The following DCUN1D5 variants were observed in gnomAD, a reference collection of about 807,000 sequenced individuals.
The protein encoded by DCUN1D5 is DCN1-like protein 5.
Under a neutral mutation model 38.3 loss-of-function variants are expected in DCUN1D5, and 10 were observed. That is an observed-to-expected ratio of 0.26 (90% confidence interval 0.16 to 0.44). DCUN1D5 has a LOEUF of 0.44. Ranked by LOEUF, DCUN1D5 falls within the 20% of genes least tolerant of loss-of-function variation. The pLI, the probability that DCUN1D5 is intolerant of heterozygous loss-of-function variation, is 1.00. For synonymous variants in DCUN1D5, 93 were observed against 90.9 expected, an observed-to-expected ratio of 1.02 and a Z score of -0.13; for missense variants, 148 against 275.3, an observed-to-expected ratio of 0.54 and a Z score of 3.27.
At position 103,073,536 on chromosome 11, in the gene DCUN1D5, A is replaced by T. The variant is rs1862331648; in HGVS notation, c.342-6969T>A. ...ATTTCAAGTCTTAGTATTTAGCCACAGTAATCCAGACTGTGTGGTACTGGC... is the reference window on the plus strand; with the variant it reads ...ATTTCAAGTCTTAGTATTTAGCCACTGTAATCCAGACTGTGTGGTACTGGC... On this transcript the variant is annotated intron_variant, in intron 4 of 7. Transcript: ENST00000260247. This position sits in a 1 kb window ranked among gnomAD's most constrained non-coding sequence, Gnocchi z 4.2. Among the ~76,000 whole-genome samples the T allele has an allele frequency of 6.6e-6, 1 of 152,258 alleles. No individual in the cohort carries two copies. Among genetic ancestry groups the T allele is most frequent in the African/African-American group, 2.4e-5 (1 of 41,472 alleles).
In DCUN1D5 at chr11:103,091,902, G is replaced by C. The variant is rs538747049; in HGVS notation, c.-30C>G. On this transcript the variant is annotated 5_prime_UTR_variant, in exon 1 of 8. Coordinates refer to ENST00000260247, the MANE Select transcript of DCUN1D5 (RefSeq NM_032299.4). The surrounding 1 kb of genome is among the most constrained non-coding windows in gnomAD (Gnocchi z 4.3). Reference sequence around the variant, plus strand: ...CGCCCTCCCCGGCAGGGTGGGCAGGGGAGCCGGGGAAGGGGGTCCCTGTCC... The same window carrying C: ...CGCCCTCCCCGGCAGGGTGGGCAGGCGAGCCGGGGAAGGGGGTCCCTGTCC... 1 of 1,600,368 alleles carries C rather than the reference G, an allele frequency of 6.2e-7. No homozygotes were observed. Among genetic ancestry groups the C allele is most frequent in the African/African-American group, 1.3e-5 (1 of 74,672 alleles).
rs142749821 is a variant in DCUN1D5 at position 103,077,845 on chromosome 11, T to C, written c.341+4903A>G. The stretch of plus-strand genomic sequence containing the variant: ...ACAATACCATCTACTTCTAGGGGTA[T>C]TTGAAAATGTGCAGAGGGGCATTTT... On this transcript the variant is annotated intron_variant, in intron 4 of 7. Transcript: ENST00000260247. This position sits in a 1 kb window ranked among gnomAD's most constrained non-coding sequence, Gnocchi z 4.3. 3.3e-5 allele frequency among the ~76,000 whole-genome samples: 5 copies of C among 152,274 alleles called. 1 individual carries two copies. The highest frequency in any genetic ancestry group is 1.2e-4 in the African/African-American group (5 of 41,560).
chr11:103,088,923 C>G (rs1862781654), intron 2 of DCUN1D5, among the ~76,000 whole-genome samples: 1 of 152,004 alleles, frequency 6.6e-6, no homozygotes, highest in Non-Finnish European at 1.5e-5. Context: ...TATTGTGTAC[C>G]TTTTATTTTC....
At chr11:103,088,619 C>T (rs947464302) in intron 2 of DCUN1D5, among the ~76,000 whole-genome samples, 4 of 152,178 alleles carry the variant, frequency 2.6e-5, no homozygotes, top group African/African-American at 4.8e-5. Flanking sequence ...GTTATATATC[C>T]CTCCTATGAA....
chr11:103,073,123 T>C lies in DCUN1D5; in HGVS notation c.342-6556A>G, dbSNP rs1052819707. On this transcript the variant is annotated intron_variant, in intron 4 of 7. Coordinates refer to ENST00000260247, the MANE Select transcript of DCUN1D5 (RefSeq NM_032299.4). The surrounding 1 kb of genome is among the most constrained non-coding windows in gnomAD (Gnocchi z 4.2). Reference sequence around the variant, plus strand: ...AACATGTGGACACTAAAATGTAAAATACCATTTACAACAGGTTGAAGTAAA... The same window carrying C: ...AACATGTGGACACTAAAATGTAAAACACCATTTACAACAGGTTGAAGTAAA... Among the ~76,000 whole-genome samples the C allele has an allele frequency of 5.9e-5, 9 of 152,020 alleles. No homozygotes were observed. Among genetic ancestry groups the C allele is most frequent in the Admixed American group, 5.9e-4 (9 of 15,262 alleles).
chr11:103,074,739 A>G (rs1162635822), intron 4 of DCUN1D5, among the ~76,000 whole-genome samples: 1 of 152,114 alleles, frequency 6.6e-6, no homozygotes, highest in Non-Finnish European at 1.5e-5. Context: ...TCAGAAATTT[A>G]ATTATTCGGA....
At chr11:103,075,820 C>T (rs1359213940) in intron 4 of DCUN1D5, among the ~76,000 whole-genome samples, 1 of 152,156 alleles carries the variant, frequency 6.6e-6, no homozygotes, top group Non-Finnish European at 1.5e-5. Flanking sequence ...AATGAATGCA[C>T]AATATGCTTG....
At chr11:103,072,442 C>CTTT (rs1862301715) in intron 4 of DCUN1D5, among the ~76,000 whole-genome samples, 1 of 151,422 alleles carries the variant, frequency 6.6e-6, no homozygotes, top group Non-Finnish European at 1.5e-5. Flanking sequence ...AATCATGCTG[C>CTTT]TATAAAGACA....
At position 103,051,417 on chromosome 11, in the gene DCUN1D5, CACCTGTG is replaced by C; in HGVS notation, c.*10935_*10941del. Reference sequence around the variant, plus strand: ...CAGCATGAAAAGTTCATGACTTATTCACCTGTGACATAACTTTGGAGTCTCATGGGAG... The same window carrying C: ...CAGCATGAAAAGTTCATGACTTATTCACATAACTTTGGAGTCTCATGGGAG... On this transcript the variant is annotated 3_prime_UTR_variant, in exon 8 of 8. Transcript: ENST00000260247. 1 of 151,522 alleles carries C rather than the reference CACCTGTG, an allele frequency of 6.6e-6. No individual in the cohort carries two copies. Among genetic ancestry groups the C allele is most frequent in the East Asian group, 2.0e-4 (1 of 5,110 alleles). The allele number at this position is 151,522 out of a possible 1,614,324, so 9.4% of individuals were successfully genotyped here. A position where few individuals can be genotyped will look rare whatever the true frequency, so the allele number is the denominator to read the frequency against.
chr11:103,053,928 TATTAG>T lies in DCUN1D5; in HGVS notation c.*8426_*8430del, dbSNP rs1206225871. On this transcript the variant is annotated 3_prime_UTR_variant, in exon 8 of 8. Coordinates refer to ENST00000260247, the MANE Select transcript of DCUN1D5 (RefSeq NM_032299.4). The surrounding 1 kb of genome is among the most constrained non-coding windows in gnomAD (Gnocchi z 4.8). ...TTTCATTTCATCCTCAAAATAATGCTATTAGATAAGGACTATTATTATCCTCATGT... is the reference window on the plus strand; with the variant it reads ...TTTCATTTCATCCTCAAAATAATGCTATAAGGACTATTATTATCCTCATGT... The T allele has an allele frequency of 6.6e-6, 1 of 152,098 alleles. No homozygotes were observed. Among genetic ancestry groups the T allele is most frequent in the Non-Finnish European group, 1.5e-5 (1 of 67,974 alleles). The allele number at this position is 152,098 out of a possible 1,614,324, so 9.4% of individuals were successfully genotyped here. A position where few individuals can be genotyped will look rare whatever the true frequency, so the allele number is the denominator to read the frequency against.
At position 103,078,096 on chromosome 11, in the gene DCUN1D5, G is replaced by A. The variant is rs1232293796; in HGVS notation, c.341+4652C>T. 1.3e-5 allele frequency among the ~76,000 whole-genome samples: 2 copies of A among 152,026 alleles called. No individual in the cohort carries two copies. The highest frequency in any genetic ancestry group is 2.4e-5 in the African/African-American group (1 of 41,372). On this transcript the variant is annotated intron_variant, in intron 4 of 7. Coordinates refer to ENST00000260247, the MANE Select transcript of DCUN1D5 (RefSeq NM_032299.4). The surrounding 1 kb of genome is among the most constrained non-coding windows in gnomAD (Gnocchi z 4.6). ...CATTCCTTTTACACTTCAAAGTCCG[G>A]GGCTCAATAGAGACTAGATTTACAA... is the stretch of plus-strand genomic sequence containing the variant.
At position 103,065,623 on chromosome 11, in the gene DCUN1D5, TA is replaced by T. The variant is rs796905027; in HGVS notation, c.555+645del. On this transcript the variant is annotated intron_variant, in intron 6 of 7. Coordinates refer to ENST00000260247, the MANE Select transcript of DCUN1D5 (RefSeq NM_032299.4). The surrounding 1 kb of genome is among the most constrained non-coding windows in gnomAD (Gnocchi z 4.6). Reference sequence around the variant, plus strand: ...AATTACAAAGGCACAAAAACAGATTTAAAAAAAAAAAACTAGACAAAGCAAT... The same window carrying T: ...AATTACAAAGGCACAAAAACAGATTTAAAAAAAAAAACTAGACAAAGCAAT... Among the ~76,000 whole-genome samples, 252 of 144,540 alleles carry T rather than the reference TA, an allele frequency of 1.7e-3. No homozygotes were observed. Among genetic ancestry groups the T allele is most frequent in the Non-Finnish European group, 3.1e-3 (203 of 65,330 alleles). The allele number at this position is 144,540 out of a possible 152,430, so 94.8% of individuals were successfully genotyped here. A position where few individuals can be genotyped will look rare whatever the true frequency, so the allele number is the denominator to read the frequency against.
At chr11:103,072,240 G>A (rs868502381) in intron 4 of DCUN1D5, among the ~76,000 whole-genome samples, 9 of 152,020 alleles carry the variant, frequency 5.9e-5, no homozygotes, top group Middle Eastern at 3.4e-3. Flanking sequence ...AATAGGAGAG[G>A]ATGTGGAGAA....
rs146846392 is a variant in DCUN1D5 at position 103,057,522 on chromosome 11, T to C, written c.*4837A>G. On this transcript the variant is annotated 3_prime_UTR_variant, in exon 8 of 8. Transcript: ENST00000260247. This position sits in a 1 kb window ranked among gnomAD's most constrained non-coding sequence, Gnocchi z 4.8. The stretch of plus-strand genomic sequence containing the variant: ...GAGTTTGAGACCAGCCTGGCCAACA[T>C]GGTGAAATCCCATCTTTACTAAAAC... Among the ~76,000 whole-genome samples the C allele has an allele frequency of 0.013, 1,990 of 151,588 alleles. 17 individuals carry two copies. Among genetic ancestry groups the C allele is most frequent in the Non-Finnish European group, 0.021 (1,417 of 67,896 alleles).
In DCUN1D5 at chr11:103,087,637, G is replaced by A. The variant is rs1862747299; in HGVS notation, c.178+1590C>T. The stretch of plus-strand genomic sequence containing the variant: ...TGCGCTCCAGCGTGGGCGACACAGT[G>A]AGACCCTGTCTCAAAAAATAAAGTC... On this transcript the variant is annotated intron_variant, in intron 2 of 7. Transcript: ENST00000260247. This position sits in a 1 kb window ranked among gnomAD's most constrained non-coding sequence, Gnocchi z 4.1. Among the ~76,000 whole-genome samples the A allele has an allele frequency of 6.6e-6, 1 of 152,176 alleles. No homozygotes were observed. The highest frequency in any genetic ancestry group is 6.5e-5 in the Admixed American group (1 of 15,290).
At chr11:103,085,326 T>A (rs1451779207) in intron 2 of DCUN1D5, among the ~76,000 whole-genome samples, 2 of 152,162 alleles carry the variant, frequency 1.3e-5, no homozygotes, top group East Asian at 3.9e-4. Flanking sequence ...TAATCCCAGC[T>A]ACGCAGGAGG....
At chr11:103,079,625 C>CA (rs560293422) in intron 4 of DCUN1D5, among the ~76,000 whole-genome samples, 2,610 of 143,842 alleles carry the variant, frequency 0.018, 69 homozygotes, top group African/African-American at 0.061. Context: ...CCCTGTCTCT[C>CA]AAAAAAAAAA....
At chr11:103,085,935 T>G (rs1198140289) in intron 2 of DCUN1D5, among the ~76,000 whole-genome samples, 2 of 152,224 alleles carry the variant, frequency 1.3e-5, no homozygotes, top group African/African-American at 4.8e-5. Context: ...CTTTCCATGT[T>G]TTCAATTACC....
rs1399615209 is a variant in DCUN1D5, at chr11:103,063,636, G to A, written c.658+639C>T. ...AAAACACATGCAACCAACCAAAATG[G>A]TGGTTGGAACTGAAAAAAATTTATA... On this transcript the variant is annotated intron_variant, in intron 7 of 7. Coordinates refer to ENST00000260247, the MANE Select transcript of DCUN1D5 (RefSeq NM_032299.4). The surrounding 1 kb of genome is among the most constrained non-coding windows in gnomAD (Gnocchi z 4.6). 6.6e-6 allele frequency among the ~76,000 whole-genome samples: 1 copy of A among 152,034 alleles called. No homozygotes were observed. Among genetic ancestry groups the A allele is most frequent in the Non-Finnish European group, 1.5e-5 (1 of 67,962 alleles).
Sources: allele counts gnomAD v4.1 joint callset (sites outside exome capture counted in the v4.1 genomes callset), GRCh38; gene constraint gnomAD v4.1.1; non-coding constraint Gnocchi (gnomAD v3.1); transcripts MANE v1.5; gene names NCBI Gene and HGNC (gene_info 2026-07-23, HGNC 2026-07-21).